The following GALNTL6 variants were observed in gnomAD, a reference collection of about 807,000 sequenced individuals.
The protein encoded by GALNTL6 is polypeptide N-acetylgalactosaminyltransferase like 6, also known as polypeptide N-acetylgalactosaminyltransferase-like 6.
A neutral mutation model predicts 73.7 loss-of-function variants in GALNTL6; 46 were observed. The observed-to-expected ratio is 0.62, with a 90% confidence interval of 0.49 to 0.80. GALNTL6 has a LOEUF of 0.80. Among genes scored for constraint, GALNTL6 ranks in the 30% least tolerant of loss-of-function variants. The probability of loss-of-function intolerance (pLI) is 0.00; values close to 1 mark genes in which losing one functional copy is unlikely to be tolerated. For synonymous variants in GALNTL6, 259 were observed against 263.7 expected (o/e 0.98, Z 0.17); for missense variants, 604 against 755.0 (o/e 0.80, Z 2.34).
chr4:171,979,612 G>A (rs182722141), intron 2 of GALNTL6, among the ~76,000 whole-genome samples: 2 of 152,260 alleles, frequency 1.3e-5, no homozygotes, highest in Non-Finnish European at 2.9e-5. Context: ...ATAGCCTGGG[G>A]CAGAGTTTCC....
intron 2 of GALNTL6, among the ~76,000 whole-genome samples, chr4:171,894,263 G>C (rs1035830530): frequency 1.6e-4 from 24 of 152,104 alleles, no homozygotes; most frequent in Non-Finnish European, 3.1e-4. Context: ...TGTCACTCTA[G>C]AGAAATTGAC....
chr4:172,371,385 G>A (rs1742803737), intron 5 of GALNTL6, among the ~76,000 whole-genome samples: 1 of 152,240 alleles, frequency 6.6e-6, no homozygotes, highest in South Asian at 2.1e-4. Flanking sequence ...TTCGGGCTAT[G>A]CCCTTGTTTA....
chr4:172,536,979 G>A (rs1261383593), intron 5 of GALNTL6, among the ~76,000 whole-genome samples: 10 of 152,164 alleles, frequency 6.6e-5, no homozygotes, highest in Non-Finnish European at 5.9e-5. Flanking sequence ...CATGGGACTT[G>A]TAGCCCCTTT....
At chr4:172,786,479 A>G (rs1040450101) in intron 5 of GALNTL6, among the ~76,000 whole-genome samples, 3 of 152,190 alleles carry the variant, frequency 2.0e-5, no homozygotes, top group African/African-American at 7.2e-5. Flanking sequence ...AATTTAAAAA[A>G]TTCTTTAATA....
chr4:172,011,621 A>T (rs34006557), intron 2 of GALNTL6, among the ~76,000 whole-genome samples: 190 of 152,154 alleles, frequency 1.2e-3, no homozygotes, highest in African/African-American at 4.3e-3. Context: ...GGAACATGTT[A>T]TATGTGATAA....
chr4:171,888,941 CA>C (rs1180831472), intron 2 of GALNTL6, among the ~76,000 whole-genome samples: 1 of 151,824 alleles, frequency 6.6e-6, no homozygotes, highest in African/African-American at 2.4e-5. Flanking sequence ...AGTTCTTTGC[CA>C]AAAAATAAGT....
At chr4:171,924,102 A>G (rs1406682290) in intron 2 of GALNTL6, among the ~76,000 whole-genome samples, 1 of 151,858 alleles carries the variant, frequency 6.6e-6, no homozygotes, top group Non-Finnish European at 1.5e-5. Flanking sequence ...TAGAAAAAAT[A>G]GGCAAAATGG....
At chr4:172,853,800 T>C (rs1743968930) in intron 7 of GALNTL6, among the ~76,000 whole-genome samples, 1 of 152,226 alleles carries the variant, frequency 6.6e-6, no homozygotes, top group South Asian at 2.1e-4. Flanking sequence ...GTCTTTGCTT[T>C]ATGGAAACCT....
At position 172,380,090 on chromosome 4, in the gene GALNTL6, C is replaced by T. The variant is rs867993050; in HGVS notation, c.553+31401C>T. The T allele has an allele frequency of 1.9e-5, 19 of 976,108 alleles. No individual in the cohort carries two copies. The Middle Eastern group carries it at 1.5e-3, about 76-fold the overall frequency. 60.5% of individuals were successfully genotyped at this position (976,108 alleles called of 1,614,324 possible). Reference sequence around the variant, plus strand: ...CTAGCTGTTTATATGGCTTGGGCTTCGTTGGTGTTTCCACTGCTCCTCTGC... The same window carrying T: ...CTAGCTGTTTATATGGCTTGGGCTTTGTTGGTGTTTCCACTGCTCCTCTGC... On this transcript the variant is annotated intron_variant, in intron 5 of 12. Coordinates refer to ENST00000506823, the MANE Select transcript of GALNTL6 (RefSeq NM_001034845.3).
chr4:172,648,315 A>T (rs971885811), intron 5 of GALNTL6, among the ~76,000 whole-genome samples: 3 of 152,156 alleles, frequency 2.0e-5, no homozygotes, highest in Non-Finnish European at 2.9e-5. Context: ...TTTGTCATTA[A>T]GAAGGGTTTA....
chr4:172,636,573 C>T (rs1579270471), intron 5 of GALNTL6, among the ~76,000 whole-genome samples: 1 of 152,056 alleles, frequency 6.6e-6, no homozygotes, highest in Non-Finnish European at 1.5e-5. Flanking sequence ...AATGGGGCCA[C>T]AAGACAAGAA....
chr4:171,994,971 A>G (rs1446864702), intron 2 of GALNTL6, among the ~76,000 whole-genome samples: 1 of 152,072 alleles, frequency 6.6e-6, no homozygotes, highest in African/African-American at 2.4e-5. Context: ...CATTTAATTA[A>G]AATGATAAAT....
chr4:171,989,254 G>A (rs144430366), intron 2 of GALNTL6, among the ~76,000 whole-genome samples: 1,834 of 152,260 alleles, frequency 0.012, 36 homozygotes, highest in African/African-American at 0.039. Flanking sequence ...TGTCCGTGAT[G>A]GTCTAGGGGG....
At chr4:172,765,700 T>A (rs947653290) in intron 5 of GALNTL6, among the ~76,000 whole-genome samples, 42 of 152,268 alleles carry the variant, frequency 2.8e-4, no homozygotes, top group Admixed American at 7.8e-4. Flanking sequence ...CAGTTTTGTG[T>A]TGATACTTGC....
chr4:172,772,408 A>T (rs1482392815), intron 5 of GALNTL6, among the ~76,000 whole-genome samples: 2 of 152,186 alleles, frequency 1.3e-5, no homozygotes, highest in African/African-American at 2.4e-5. Context: ...AGAGAAGCTT[A>T]AAAAATAGCT....
At chr4:172,186,163 C>A (rs920656757) in intron 2 of GALNTL6, among the ~76,000 whole-genome samples, 4 of 152,080 alleles carry the variant, frequency 2.6e-5, no homozygotes, top group Non-Finnish European at 5.9e-5. Context: ...AGAGAAGATA[C>A]ATGTATGACC....
intron 2 of GALNTL6, among the ~76,000 whole-genome samples, chr4:172,049,219 T>C (rs1353998715): frequency 2.0e-5 from 3 of 147,790 alleles, no homozygotes; most frequent in African/African-American, 7.6e-5. Context: ...TACTGAGACT[T>C]CATGAAATAA....
At chr4:172,714,316 C>G (rs1024775966) in intron 5 of GALNTL6, among the ~76,000 whole-genome samples, 2 of 151,290 alleles carry the variant, frequency 1.3e-5, no homozygotes, top group Non-Finnish European at 2.9e-5. Flanking sequence ...AACACACACA[C>G]ACACACACAC....
At chr4:172,416,587 A>G (rs1318029888) in intron 5 of GALNTL6, among the ~76,000 whole-genome samples, 1 of 152,230 alleles carries the variant, frequency 6.6e-6, no homozygotes, top group Non-Finnish European at 1.5e-5. Flanking sequence ...TGCCAAGCAC[A>G]GTTCAATTTT....
Sources: allele counts gnomAD v4.1 joint callset (sites outside exome capture counted in the v4.1 genomes callset), GRCh38; gene constraint gnomAD v4.1.1; transcripts MANE v1.5; gene names NCBI Gene and HGNC (gene_info 2026-07-23, HGNC 2026-07-21).